The following NALF1 variants were observed in gnomAD, a reference collection of about 807,000 sequenced individuals.
NALF1 encodes the protein NALCN channel auxiliary factor 1.
NALF1 carries 3 observed loss-of-function variants against 48.4 expected under a neutral mutation model. The ratio of observed to expected loss-of-function variants is 0.06; its 90% CI spans 0.03 to 0.16. The LOEUF (loss-of-function observed/expected upper bound fraction) is 0.16. Among genes scored for constraint, NALF1 ranks in the 10% least tolerant of loss-of-function variants. The pLI is 1.00. For synonymous variants in NALF1, 262 were observed against 245.7 expected, an observed-to-expected ratio of 1.07 and a Z score of -0.62; for missense variants, 526 against 571.5, an observed-to-expected ratio of 0.92 and a Z score of 0.81.
chr13:107,193,995 A>C (rs1197690644), intron 2 of NALF1, among the ~76,000 whole-genome samples: 1 of 150,160 alleles, frequency 6.7e-6, no homozygotes. Flanking sequence ...CTCAACTTAT[A>C]TACCTATCTA....
At position 107,163,641 on chromosome 13, in the gene NALF1, A is replaced by T. The variant is rs1354899235; in HGVS notation, c.*6856T>A. On this transcript the variant is annotated 3_prime_UTR_variant, in exon 3 of 3. Transcript: ENST00000375915. ...TTCCTTTCCACATTCTTAGTCTCTCATAATTAACTGGTTTTAGTACTTTTA... is the reference window on the plus strand; with the variant it reads ...TTCCTTTCCACATTCTTAGTCTCTCTTAATTAACTGGTTTTAGTACTTTTA... 6.6e-6 allele frequency: 1 copy of T among 152,204 alleles called. No homozygotes were observed. The allele number at this position is 152,204 out of a possible 1,614,324, so 9.4% of individuals were successfully genotyped here.
chr13:107,337,064 A>ATGTC, intron 1 of NALF1, among the ~76,000 whole-genome samples: 1 of 124,706 alleles, frequency 8.0e-6, no homozygotes, highest in Non-Finnish European at 1.7e-5. Context: ...AAAAAAAAAA[A>ATGTC]AAAAAAAAAA....
chr13:107,689,820 T>C (rs1334100538), intron 1 of NALF1, among the ~76,000 whole-genome samples: 1 of 152,228 alleles, frequency 6.6e-6, no homozygotes, highest in African/African-American at 2.4e-5. Flanking sequence ...TTTTATTTAT[T>C]TGTCTTCATT....
chr13:107,597,099 G>A (rs1370660456), intron 1 of NALF1, among the ~76,000 whole-genome samples: 1 of 152,084 alleles, frequency 6.6e-6, no homozygotes, highest in Non-Finnish European at 1.5e-5. Flanking sequence ...TTTGCATAGA[G>A]GGTGTTACGT....
chr13:107,829,948 G>A (rs1039270647), intron 1 of NALF1, among the ~76,000 whole-genome samples: 4 of 152,014 alleles, frequency 2.6e-5, no homozygotes, highest in South Asian at 4.1e-4. Context: ...TGTCACATTC[G>A]GGCTTAGCAG....
At chr13:107,370,233 C>T (rs1005710554) in intron 1 of NALF1, among the ~76,000 whole-genome samples, 4 of 152,200 alleles carry the variant, frequency 2.6e-5, no homozygotes, top group African/African-American at 9.7e-5. Context: ...AATCAGAGGG[C>T]TTCCTATCCG....
intron 1 of NALF1, among the ~76,000 whole-genome samples, chr13:107,324,478 G>C (rs977834168): frequency 6.7e-6 from 1 of 149,082 alleles, no homozygotes; most frequent in Non-Finnish European, 1.5e-5. Flanking sequence ...TTCTGGGAGT[G>C]GGGGGAAGAA....
chr13:107,812,256 T>C (rs1454604911), intron 1 of NALF1, among the ~76,000 whole-genome samples: 1 of 152,136 alleles, frequency 6.6e-6, no homozygotes, highest in African/African-American at 2.4e-5. Flanking sequence ...GAAGAAAGTA[T>C]AACTACCAAG....
chr13:107,268,413 G>A (rs1185020949), intron 1 of NALF1, among the ~76,000 whole-genome samples: 1 of 144,132 alleles, frequency 6.9e-6, no homozygotes, highest in African/African-American at 2.4e-5. Context: ...TGATAAAATT[G>A]TATACAACAC....
intron 1 of NALF1, among the ~76,000 whole-genome samples, chr13:107,772,292 G>A (rs1029717856): frequency 1.3e-5 from 2 of 151,972 alleles, no homozygotes; most frequent in Middle Eastern, 3.2e-3. Context: ...TTTCTTGCGC[G>A]AGATCCAAGA....
At chr13:107,186,556 T>C (rs899218368) in intron 2 of NALF1, among the ~76,000 whole-genome samples, 3 of 152,062 alleles carry the variant, frequency 2.0e-5, no homozygotes, top group African/African-American at 7.2e-5. Flanking sequence ...TTAGTAGAGA[T>C]GGGGTTTCAC....
intron 1 of NALF1, among the ~76,000 whole-genome samples, chr13:107,274,671 C>T (rs992068245): frequency 1.3e-5 from 2 of 152,190 alleles, no homozygotes; most frequent in African/African-American, 4.8e-5. Context: ...AAGTATTTTT[C>T]TGCCCTTTCT....
chr13:107,439,191 T>C (rs1020761302), intron 1 of NALF1, among the ~76,000 whole-genome samples: 2 of 152,194 alleles, frequency 1.3e-5, no homozygotes, highest in African/African-American at 4.8e-5. Context: ...ATCCAGAGCC[T>C]AAAAACAGAG....
At chr13:107,278,548 A>G (rs2138870324) in intron 1 of NALF1, among the ~76,000 whole-genome samples, 1 of 152,338 alleles carries the variant, frequency 6.6e-6, no homozygotes, top group African/African-American at 2.4e-5. Context: ...GAATGAATCT[A>G]TCATATTTTT....
At chr13:107,178,453 G>A (rs1476994163) in intron 2 of NALF1, among the ~76,000 whole-genome samples, 1 of 152,202 alleles carries the variant, frequency 6.6e-6, no homozygotes, top group East Asian at 1.9e-4. Context: ...ATATGAAGAA[G>A]TGCTCAACAC....
intron 1 of NALF1, among the ~76,000 whole-genome samples, chr13:107,551,463 A>G (rs1460831362): frequency 6.6e-6 from 1 of 152,182 alleles, no homozygotes; most frequent in Non-Finnish European, 1.5e-5. Flanking sequence ...ACAGAAATGA[A>G]TGAGATACAA....
At chr13:107,305,361 T>C (rs1250660453) in intron 1 of NALF1, among the ~76,000 whole-genome samples, 1 of 152,254 alleles carries the variant, frequency 6.6e-6, no homozygotes, top group Non-Finnish European at 1.5e-5. Flanking sequence ...AATGCTGAAG[T>C]TAAAAATGCT....
intron 2 of NALF1, among the ~76,000 whole-genome samples, chr13:107,191,547 G>A (rs189219762): frequency 1.3e-5 from 2 of 152,076 alleles, no homozygotes; most frequent in Non-Finnish European, 2.9e-5. Context: ...ATGTTTCCTA[G>A]AGGCGATGAA....
At chr13:107,503,605 C>G (rs1566368693) in intron 1 of NALF1, among the ~76,000 whole-genome samples, 2 of 152,056 alleles carry the variant, frequency 1.3e-5, no homozygotes. Flanking sequence ...TGGGCATATA[C>G]CCAAAGGAGA....
Sources: gnomAD v4.1 joint callset for allele counts (sites outside exome capture counted in the v4.1 genomes callset) on GRCh38, gnomAD v4.1.1 for gene constraint, MANE v1.5 for transcripts, NCBI Gene and HGNC (gene_info 2026-07-23, HGNC 2026-07-21) for gene names.